The following UBA3 variants were observed in gnomAD, a reference collection of about 807,000 sequenced individuals.
UBA3 encodes ubiquitin like modifier activating enzyme 3.
A neutral mutation model predicts 73.5 loss-of-function variants in UBA3; 26 were observed. The observed-to-expected ratio is 0.35, with a 90% CI of 0.26 to 0.49. The LOEUF is 0.49. UBA3 is among the 20% of genes least tolerant of loss of function. The pLI, the probability that UBA3 is intolerant of heterozygous loss-of-function variation, is 0.98. For synonymous variants in UBA3, 217 were observed against 191.2 expected (o/e 1.13, Z -1.11); for missense variants, 495 against 555.6 (o/e 0.89, Z 1.10).
rs2092024848 is a variant in UBA3, at chr3:69,061,897, T to C, written c.827A>G (p.Glu276Gly). 6.2e-7 allele frequency: 1 copy of C among 1,609,302 alleles called. No homozygotes were observed. Among genetic ancestry groups the C allele is most frequent in the Non-Finnish European group, 8.5e-7 (1 of 1,178,402 alleles). The stretch of plus-strand genomic sequence containing the variant: ...TTTTTGGAAAATCCATTGTATATGT[T>C]CAGGATCATCTCCATCTAATGGAAC... ...EGVPLDGDDPEHIQWIFQKSL... is the reference protein window; with the variant it reads ...EGVPLDGDDPGHIQWIFQKSL... Residue 276 changes from glutamate (E) to glycine (G), a missense_variant, in exon 11 of 18, where the codon GAA (glutamate) becomes GGA (glycine). Transcript: ENST00000361055.
chr3:69,056,512 A>G, intron 14 of UBA3, 100 bp downstream of exon 14: 1 of 1,066,038 alleles, frequency 9.4e-7, no homozygotes, highest in Non-Finnish European at 1.4e-6. Flanking sequence ...AGAGTTCTGG[A>G]AGTTAGAAAA....
rs1021501015 is a variant in UBA3 at position 69,056,401 on chromosome 3, T to A, written c.1084-118A>T. 13 of 962,018 alleles carry A rather than the reference T, an allele frequency of 1.4e-5. No individual in the cohort carries two copies. The East Asian group carries it at 1.4e-4, about 10-fold the overall frequency. 59.6% of individuals were successfully genotyped at this position (962,018 alleles called of 1,614,324 possible). A position where few individuals can be genotyped will look rare whatever the true frequency, so the allele number is the denominator to read the frequency against. On this transcript the variant is annotated intron_variant, in intron 14 of 17. Transcript: ENST00000361055. Reference sequence around the variant, plus strand: ...ATCATGCATATTTCCTATAAAAAAATTTTTATGCTTTAAAGCCTGCTTTTC... The same window carrying A: ...ATCATGCATATTTCCTATAAAAAAAATTTTATGCTTTAAAGCCTGCTTTTC...
intron 11 of UBA3, among the ~76,000 whole-genome samples, chr3:69,059,999 T>C (rs1445968180): frequency 6.6e-6 from 1 of 152,092 alleles, no homozygotes; most frequent in Non-Finnish European, 1.5e-5. Flanking sequence ...ATGACATCCT[T>C]GTGAACAAGA....
chr3:69,059,492 A>G (rs1029619482), intron 11 of UBA3, among the ~76,000 whole-genome samples: 22 of 152,186 alleles, frequency 1.4e-4, no homozygotes, highest in Non-Finnish European at 1.5e-5. Flanking sequence ...AGGTTGAATG[A>G]TTAGGAAAAC....
intron 3 of UBA3, chr3:69,077,215 G>C (rs2092175609): frequency 2.0e-5 from 3 of 150,814 alleles, no homozygotes; most frequent in Admixed American, 6.6e-5. Flanking sequence ...TTAATTTATG[G>C]GAGTAACACA....
Position 69,063,482 on chromosome 3 carries a change from C to A in UBA3, c.494G>T (p.Gly165Val). ...FYRQFHIIVC[G>V]LDSIIARRWI... ...TCTTCTGGCGATGATAGAGTCCAGT[C>A]CACATACAATAATATGAAATTCTAC... Residue 165 changes from glycine to valine, a missense_variant, in exon 8 of 18, where the codon GGA becomes GTA. Transcript: ENST00000361055. The A allele has an allele frequency of 1.3e-6, 2 of 1,579,792 alleles. No individual in the cohort carries two copies. Among genetic ancestry groups the A allele is most frequent in the Non-Finnish European group, 1.7e-6 (2 of 1,169,206 alleles).
At chr3:69,075,566 A>G in intron 3 of UBA3, 56 bp from the exon 4 acceptor site, 1 of 1,055,600 alleles carries the variant, frequency 9.5e-7, no homozygotes, top group Non-Finnish European at 1.3e-6. Context: ...AAGACTATAA[A>G]TAAAGCAACA....
At chr3:69,071,648 G>T in intron 4 of UBA3, 31 bp from the exon 5 acceptor site, 1 of 1,359,646 alleles carries the variant, frequency 7.4e-7, no homozygotes, top group Non-Finnish European at 1.0e-6. Context: ...CAATTAAGCA[G>T]AAGTTTCCTC....
intron 5 of UBA3, among the ~76,000 whole-genome samples, chr3:69,070,225 T>C (rs916498513): frequency 6.6e-6 from 1 of 152,118 alleles, no homozygotes; most frequent in East Asian, 1.9e-4. Context: ...CCACAAACTT[T>C]GCTATAGAGA....
intron 11 of UBA3, among the ~76,000 whole-genome samples, chr3:69,060,769 C>T (rs1382378132): frequency 6.6e-6 from 1 of 152,190 alleles, no homozygotes; most frequent in Non-Finnish European, 1.5e-5. Flanking sequence ...ACATGCATGG[C>T]TTGGTGCCCT....
intron 14 of UBA3, 42 bp downstream of exon 14, chr3:69,056,570 C>A (rs2107478881): frequency 4.7e-6 from 7 of 1,502,618 alleles, no homozygotes; most frequent in South Asian, 2.4e-5. Context: ...ATTTAAAAAT[C>A]AAAATATGCA....
chr3:69,070,685 C>T (rs369054557), intron 5 of UBA3, among the ~76,000 whole-genome samples: 1 of 152,272 alleles, frequency 6.6e-6, no homozygotes, highest in East Asian at 1.9e-4. Flanking sequence ...CAGGGTCTCG[C>T]TCTGTTGCCC....
chr3:69,070,151 A>T (rs1332838422), intron 5 of UBA3, among the ~76,000 whole-genome samples: 2 of 152,240 alleles, frequency 1.3e-5, no homozygotes. Context: ...ATCAATAACA[A>T]ATCAATTCAG....
intron 11 of UBA3, among the ~76,000 whole-genome samples, chr3:69,059,296 A>C (rs1328016088): frequency 6.6e-6 from 1 of 152,218 alleles, no homozygotes; most frequent in Non-Finnish European, 1.5e-5. Flanking sequence ...AGAGAGATCC[A>C]GCCATGCAAT....
chr3:69,073,415 T>C (rs2092137702), intron 4 of UBA3, among the ~76,000 whole-genome samples: 1 of 152,190 alleles, frequency 6.6e-6, no homozygotes, highest in African/African-American at 2.4e-5. Flanking sequence ...GTATGGCTCA[T>C]TTGCTCACCT....
intron 1 of UBA3, 89 bp from the exon 2 acceptor site, chr3:69,080,242 T>A (rs2092207595): frequency 1.3e-5 from 15 of 1,192,522 alleles, no homozygotes; most frequent in Middle Eastern, 2.8e-4. Context: ...GCGGGGGGTG[T>A]GGGGACCCCG....
intron 5 of UBA3, chr3:69,071,260 A>G: frequency 3.4e-6 from 1 of 292,390 alleles, no homozygotes; most frequent in South Asian, 3.8e-5. Flanking sequence ...GAGCACAGTT[A>G]ACCTGAGGAT....
chr3:69,067,269 T>C (rs191098726), intron 6 of UBA3, among the ~76,000 whole-genome samples: 5 of 152,336 alleles, frequency 3.3e-5, no homozygotes, highest in African/African-American at 9.6e-5. Flanking sequence ...TTTTTCACTA[T>C]ATAAATCTCT....
In UBA3 at chr3:69,056,037, G is replaced by C; in HGVS notation, c.1211C>G (p.Ala404Gly). The C allele has an allele frequency of 6.2e-7, 1 of 1,604,906 alleles. No homozygotes were observed. Among genetic ancestry groups the C allele is most frequent in the East Asian group, 2.2e-5 (1 of 44,720 alleles). ...SLQMKSPAIT[A>G]TLEGKNRTLY... The stretch of plus-strand genomic sequence containing the variant: ...TGTTCTATTTTTTCCCTCTAGGGTG[G>C]CTGTGATGGCTGGAGATTTCATTTG... The change falls in exon 16 of 18, where the codon GCC (alanine) becomes GGC (glycine). Residue 404 changes from alanine (A) to glycine (G), a missense_variant. Ala to Gly is a moderately conservative substitution (Grantham distance 60). Transcript: ENST00000361055.
Sources: gnomAD v4.1 joint callset for allele counts (sites outside exome capture counted in the v4.1 genomes callset) on GRCh38, gnomAD v4.1.1 for gene constraint, MANE v1.5 for transcripts, NCBI Gene and HGNC (gene_info 2026-07-23, HGNC 2026-07-21) for gene names.